Variants in CFH observed in about 807,000 individuals in gnomAD.
CFH encodes H factor 1 (complement).
Under a neutral mutation model 147.3 loss-of-function variants are expected in CFH, and 53 were observed. The ratio of observed to expected loss-of-function variants is 0.36; its 90% CI spans 0.29 to 0.45. The LOEUF is 0.45. Ranked by LOEUF, CFH falls within the 20% of genes least tolerant of loss-of-function variation. The probability of loss-of-function intolerance (pLI) is 1.00; values close to 1 mark genes in which losing one functional copy is unlikely to be tolerated. For missense variants in CFH, 1,380 were observed against 1,498.0 expected, an observed-to-expected ratio of 0.92 and a Z score of 1.30; for synonymous variants, 536 against 489.4, an observed-to-expected ratio of 1.10 and a Z score of -1.26.
At chr1:196,729,354 T>A (rs557634803) in intron 15 of CFH, among the ~76,000 whole-genome samples, 1 of 152,106 alleles carries the variant, frequency 6.6e-6, no homozygotes, top group African/African-American at 2.4e-5. Context: ...AAAATGATCG[T>A]ATAGTTATCG....
Position 196,684,639 on chromosome 1 carries a change from G to A in CFH, c.791-425G>A, listed in dbSNP as rs573610434. 4.3e-4 allele frequency among the ~76,000 whole-genome samples: 66 copies of A among 152,044 alleles called. No individual in the cohort carries two copies. The Middle Eastern group carries it at 0.01, about 24-fold the overall frequency. ...TTATAGTCTCCTACGCAATCACATG[G>A]CCACAGTTACTTCAAAGAGGAAGGG... On this transcript the variant is annotated intron_variant, in intron 6 of 21. Coordinates refer to ENST00000367429, the MANE Select transcript of CFH (RefSeq NM_000186.4).
At chr1:196,663,512 G>A (rs1037470991) in intron 1 of CFH, among the ~76,000 whole-genome samples, 2 of 152,034 alleles carry the variant, frequency 1.3e-5, no homozygotes, top group African/African-American at 4.8e-5. Context: ...TAGTATTGTT[G>A]ATTATAGTCT....
At chr1:196,683,020 G>GGTGGTAGTATAGAGAAGAAGTAGAAAA (rs1392266464) in intron 6 of CFH, among the ~76,000 whole-genome samples, 1 of 151,248 alleles carries the variant, frequency 6.6e-6, no homozygotes, top group Non-Finnish European at 1.5e-5. Flanking sequence ...AGAAAGGAAT[G>GGTGGTAGTATAGAGAAGAAGTAGAAAA]GTGGTAGTAT....
chr1:196,718,486 C>T (rs1398124136), intron 11 of CFH, among the ~76,000 whole-genome samples: 1 of 151,902 alleles, frequency 6.6e-6, no homozygotes, highest in Non-Finnish European at 1.5e-5. Context: ...AATCTGAATC[C>T]TGGATTTAGT....
intron 1 of CFH, among the ~76,000 whole-genome samples, chr1:196,663,974 A>G (rs1666989462): frequency 6.6e-6 from 1 of 152,186 alleles, no homozygotes; most frequent in Non-Finnish European, 1.5e-5. Context: ...GATTATACCA[A>G]GATATGTTAT....
At chr1:196,674,095 A>G (rs1162653394) in intron 3 of CFH, 133 bp downstream of exon 3, 3 of 661,796 alleles carry the variant, frequency 4.5e-6, no homozygotes, top group Non-Finnish European at 7.9e-6. Flanking sequence ...CTGAAAGTTT[A>G]ACTATGATGG....
intron 1 of CFH, among the ~76,000 whole-genome samples, chr1:196,664,446 A>G (rs1208176584): frequency 2.0e-5 from 3 of 152,214 alleles, no homozygotes; most frequent in Non-Finnish European, 2.9e-5. Context: ...TTTGTGAAAT[A>G]GCCAGACAAT....
At chr1:196,727,152 G>A (rs35762927) in intron 14 of CFH, among the ~76,000 whole-genome samples, 28 of 152,142 alleles carry the variant, frequency 1.8e-4, no homozygotes, top group African/African-American at 4.6e-4. Flanking sequence ...ATCTTTCTGC[G>A]TCTGATAACA....
chr1:196,692,548 TTTTCTTTCTTTCTTC>T (rs1404730618), intron 9 of CFH, among the ~76,000 whole-genome samples: 1 of 141,478 alleles, frequency 7.1e-6, no homozygotes, highest in South Asian at 2.6e-4. Context: ...TTCTTTTTCT[TTTTCTTTCTTTCTTC>T]TTTCTTTCTT....
At position 196,713,757 on chromosome 1, in the gene CFH, A is replaced by C. The variant is rs770584038; in HGVS notation, c.1359A>C (p.Ile453=). 6 of 1,593,900 alleles carry C rather than the reference A, an allele frequency of 3.8e-6. No individual in the cohort carries two copies. Among genetic ancestry groups the C allele is most frequent in the South Asian group, 2.2e-5 (2 of 90,502 alleles). ...TAGAAACATGTTCCAAATCAAGTATAGATATTGAGAATGGGTTTATTTCTG... is the reference window on the plus strand; with the variant it reads ...TAGAAACATGTTCCAAATCAAGTATCGATATTGAGAATGGGTTTATTTCTG... ...IRVKTCSKSS[I]DIENGFISES... Residue 453 remains isoleucine, a synonymous_variant, in exon 10 of 22, where the codon ATA becomes ATC. Transcript: ENST00000367429.
intron 17 of CFH, among the ~76,000 whole-genome samples, chr1:196,738,157 C>T (rs1052222444): frequency 2.0e-5 from 3 of 152,170 alleles, no homozygotes; most frequent in Non-Finnish European, 4.4e-5. Flanking sequence ...GATAACTGCC[C>T]CCATTATTCA....
At chr1:196,675,675 C>A (rs1667429105) in intron 3 of CFH, among the ~76,000 whole-genome samples, 1 of 151,428 alleles carries the variant, frequency 6.6e-6, no homozygotes, top group Non-Finnish European at 1.5e-5. Context: ...TGTCGTGAAC[C>A]AAGGATTATG....
chr1:196,674,100 T>C, intron 3 of CFH, 138 bp downstream of exon 3: 3 of 653,134 alleles, frequency 4.6e-6, no homozygotes, highest in Middle Eastern at 4.2e-4. Context: ...AGTTTAACTA[T>C]GATGGAAATA....
chr1:196,742,164 C>T (rs1652830825), intron 19 of CFH, 113 bp downstream of exon 19: 1 of 967,070 alleles, frequency 1.0e-6, no homozygotes, highest in South Asian at 1.3e-5. Flanking sequence ...CACTTGAGGT[C>T]AGGAGTTCGA....
chr1:196,747,491 T>A lies in CFH; in HGVS notation c.*178T>A, dbSNP rs488738. 0.021 allele frequency: 18,639 copies of A among 885,962 alleles called. 2,115 individuals are homozygous for A. The African/African-American group carries it at 0.26, about 13-fold the overall frequency. 54.9% of individuals were successfully genotyped at this position (885,962 alleles called of 1,614,324 possible). A position where few individuals can be genotyped will look rare whatever the true frequency, so the allele number is the denominator to read the frequency against. ...CTCTTCTTAAAAGCACCATATTAAATCCTGGAAAACTAACGGTTGTGTCCA... is the reference window on the plus strand; with the variant it reads ...CTCTTCTTAAAAGCACCATATTAAAACCTGGAAAACTAACGGTTGTGTCCA... On this transcript the variant is annotated 3_prime_UTR_variant, in exon 22 of 22. Transcript: ENST00000367429.
chr1:196,719,507 A>G (rs1276385618), intron 11 of CFH, among the ~76,000 whole-genome samples: 1 of 151,954 alleles, frequency 6.6e-6, no homozygotes, highest in South Asian at 2.1e-4. Context: ...ATTTTGTGAC[A>G]TTACTTTTAA....
intron 11 of CFH, among the ~76,000 whole-genome samples, chr1:196,718,644 C>T (rs1382273269): frequency 6.6e-6 from 1 of 151,800 alleles, no homozygotes; most frequent in Non-Finnish European, 1.5e-5. Flanking sequence ...TTTTATGAAG[C>T]CAGAAGCTTT....
At chr1:196,684,178 T>C (rs1667746921) in intron 6 of CFH, among the ~76,000 whole-genome samples, 1 of 151,946 alleles carries the variant, frequency 6.6e-6, no homozygotes, top group Non-Finnish European at 1.5e-5. Context: ...GCAGGTAAAA[T>C]ACAACTTGCC....
rs1222045946 is a variant in CFH, at chr1:196,740,609, T to C, written c.2783-10T>C. The C allele has an allele frequency of 1.9e-6, 3 of 1,613,018 alleles. No homozygotes were observed. In the Admixed American group the frequency reaches 5.0e-5, roughly 27 times the overall value. On this transcript the variant is annotated splice_polypyrimidine_tract_variant and intron_variant, in intron 17 of 21. Coordinates refer to ENST00000367429, the MANE Select transcript of CFH (RefSeq NM_000186.4). ...GTTAGTGAAACCTGAATTCATTCTT[T>C]TTTTTTTAGGCCTTCCTTGTAAATC...
Sources: allele counts gnomAD v4.1 joint callset (sites outside exome capture counted in the v4.1 genomes callset), GRCh38; gene constraint gnomAD v4.1.1; transcripts MANE v1.5; gene names NCBI Gene and HGNC (gene_info 2026-07-23, HGNC 2026-07-21).